GALC: variants seen among roughly 807,000 people sequenced by gnomAD.
The protein encoded by GALC is galactosylceramidase, also known as galactocerebrosidase.
In GALC, 77 loss-of-function variants were observed where a neutral mutation model predicts 91.8. The observed-to-expected ratio is 0.84, with a 90% CI of 0.70 to 1.01. GALC has a LOEUF of 1.01. Among genes scored for constraint, GALC ranks in the 50% least tolerant of loss-of-function variants. GALC has a pLI of 0.00. For missense variants in GALC, 882 were observed against 855.9 expected, an observed-to-expected ratio of 1.03 and a Z score of -0.38; for synonymous variants, 357 against 306.7, an observed-to-expected ratio of 1.16 and a Z score of -1.71.
chr14:87,986,624 CG>C (rs1334717893), intron 3 of GALC, 22 bp from the exon 4 acceptor site: 4 of 1,466,504 alleles, frequency 2.7e-6, no homozygotes, highest in African/African-American at 1.4e-5. Flanking sequence ...AGAGCAAAAA[CG>C]GAAGTAATGA....
intron 5 of GALC, 139 bp from the exon 6 acceptor site, chr14:87,982,382 C>CA (rs1276942171): frequency 1.7e-6 from 1 of 591,070 alleles, no homozygotes; most frequent in African/African-American, 1.9e-5. Context: ...GATATCCTGC[C>CA]ATAGAATTTA....
intron 10 of GALC, among the ~76,000 whole-genome samples, chr14:87,956,593 T>TATATAC (rs140349038): frequency 1.4e-5 from 2 of 139,188 alleles, no homozygotes; most frequent in Admixed American, 6.9e-5. Context: ...ACCATATATA[T>TATATAC]ACACACACAC....
At chr14:87,992,110 G>T (rs568327768) in intron 1 of GALC, among the ~76,000 whole-genome samples, 3 of 152,018 alleles carry the variant, frequency 2.0e-5, no homozygotes, top group Non-Finnish European at 4.4e-5. Context: ...CTAGCAGAAG[G>T]TTATATCTTG....
chr14:87,951,859 A>T (rs562921028), intron 10 of GALC, among the ~76,000 whole-genome samples: 1 of 152,030 alleles, frequency 6.6e-6, no homozygotes, highest in South Asian at 2.1e-4. Flanking sequence ...TTACAGCACT[A>T]AATACCTAGA....
At chr14:87,946,227 C>T (rs114562743) in intron 13 of GALC, among the ~76,000 whole-genome samples, 85 of 152,118 alleles carry the variant, frequency 5.6e-4, no homozygotes, top group African/African-American at 2.0e-3. Flanking sequence ...AATCATCTGC[C>T]AAAAGAGCAT....
chr14:87,972,987 A>G (rs940226175), intron 7 of GALC, among the ~76,000 whole-genome samples: 5 of 150,518 alleles, frequency 3.3e-5, no homozygotes, highest in Admixed American at 2.0e-4. Flanking sequence ...ACTAAACTTT[A>G]AAGATGAATA....
chr14:87,989,841 G>A (rs1247786712), intron 1 of GALC, among the ~76,000 whole-genome samples: 1 of 152,140 alleles, frequency 6.6e-6, no homozygotes, highest in Admixed American at 6.5e-5. Flanking sequence ...AAAGCTTTCA[G>A]GATAAAGTTC....
At chr14:87,975,614 G>A (rs1360110637) in intron 7 of GALC, among the ~76,000 whole-genome samples, 2 of 151,926 alleles carry the variant, frequency 1.3e-5, no homozygotes, top group Non-Finnish European at 2.9e-5. Flanking sequence ...AGTTCAAGAG[G>A]TTGAGTGATA....
chr14:87,961,304 C>G (rs141574205), intron 10 of GALC, among the ~76,000 whole-genome samples: 132 of 152,232 alleles, frequency 8.7e-4, no homozygotes, highest in Non-Finnish European at 1.6e-3. Flanking sequence ...AAGGCATGGA[C>G]AGTAAGAACT....
At chr14:87,953,532 T>A (rs1259726931) in intron 10 of GALC, 1 of 1,608,872 alleles carries the variant, frequency 6.2e-7, no homozygotes, top group East Asian at 2.2e-5. Flanking sequence ...GTTCTGAAGA[T>A]GAACTGCCAC....
intron 1 of GALC, among the ~76,000 whole-genome samples, chr14:87,991,585 G>C (rs55805734): frequency 0.11 from 16,974 of 152,128 alleles, 1,108 homozygotes; most frequent in Non-Finnish European, 0.15. Flanking sequence ...ACACTTACTG[G>C]CACAACCTGG....
At chr14:87,957,007 G>A (rs1885587458) in intron 10 of GALC, among the ~76,000 whole-genome samples, 1 of 152,022 alleles carries the variant, frequency 6.6e-6, no homozygotes, top group South Asian at 2.1e-4. Flanking sequence ...GCATTTCTCT[G>A]ATGATTAGTG....
chr14:87,970,875 CAAAAAAAAAAAA>C (rs557589251), intron 7 of GALC, among the ~76,000 whole-genome samples: 1 of 62,980 alleles, frequency 1.6e-5, no homozygotes, highest in Admixed American at 1.6e-4. Context: ...GACTCTGTCT[CAAAAAAAAAAAA>C]AAAAAAAAAG....
intron 7 of GALC, among the ~76,000 whole-genome samples, chr14:87,968,971 G>A (rs926565590): frequency 6.6e-6 from 1 of 152,084 alleles, no homozygotes; most frequent in African/African-American, 2.4e-5. Context: ...ATATAAAGTA[G>A]TACTCTCCCC....
intron 6 of GALC, among the ~76,000 whole-genome samples, chr14:87,978,237 G>T (rs1048152788): frequency 6.6e-6 from 1 of 152,118 alleles, no homozygotes; most frequent in African/African-American, 2.4e-5. Context: ...TTTTAGTAGA[G>T]ACAGGGTTTC....
intron 13 of GALC, 125 bp from the exon 14 acceptor site, chr14:87,945,858 A>G: frequency 1.4e-6 from 1 of 720,740 alleles, no homozygotes; most frequent in Non-Finnish European, 2.3e-6. Context: ...AATCTAAACC[A>G]AAGTTTAGGG....
intron 14 of GALC, among the ~76,000 whole-genome samples, chr14:87,942,980 A>C (rs1045101798): frequency 6.6e-6 from 1 of 152,038 alleles, no homozygotes; most frequent in Non-Finnish European, 1.5e-5. Flanking sequence ...AGAAGTTTGA[A>C]AGTGCTACAA....
In GALC at chr14:87,988,484, G is replaced by C; in HGVS notation, c.235C>G (p.Arg79Gly). The change falls in exon 2 of 17, where the codon CGT (arginine) becomes GGT (glycine). Residue 79 changes from arginine to glycine, a missense_variant. By Grantham distance (125) the Arg-to-Gly change is moderately radical (BLOSUM62 -2). Coordinates refer to ENST00000261304, the MANE Select transcript of GALC (RefSeq NM_000153.4). ...RLLVNYPEPY[R>G]SQILDYLFKP... ...AAGAGATAATCCAATATCTGAGAAC[G>C]ATAGGGCTCTGGGTAATTTACTAGA... The C allele has an allele frequency of 6.2e-7, 1 of 1,611,140 alleles. No homozygotes were observed. Among genetic ancestry groups the C allele is most frequent in the African/African-American group, 1.3e-5 (1 of 74,924 alleles).
At chr14:87,960,071 A>G (rs181725792) in intron 10 of GALC, among the ~76,000 whole-genome samples, 7 of 152,314 alleles carry the variant, frequency 4.6e-5, no homozygotes, top group Non-Finnish European at 8.8e-5. Flanking sequence ...GTAGAATTAA[A>G]AAAAAAGAAG....
Sources: gnomAD v4.1 joint callset for allele counts (sites outside exome capture counted in the v4.1 genomes callset) on GRCh38, gnomAD v4.1.1 for gene constraint, MANE v1.5 for transcripts, NCBI Gene and HGNC (gene_info 2026-07-23, HGNC 2026-07-21) for gene names.